The following CAMK1G variants were observed in gnomAD, a reference collection of about 807,000 sequenced individuals.
CAMK1G encodes the protein calcium/calmodulin-dependent protein kinase type 1G.
In CAMK1G, 27 loss-of-function variants were observed where a neutral mutation model predicts 54.8. That is an observed-to-expected ratio of 0.49 (90% CI 0.36 to 0.68). The LOEUF is 0.68. Ranked by LOEUF, CAMK1G falls within the 30% of genes least tolerant of loss-of-function variation. The pLI is 0.00. For synonymous variants in CAMK1G, 238 were observed against 224.9 expected (o/e 1.06, Z -0.52); for missense variants, 512 against 591.0 (o/e 0.87, Z 1.39).
rs763449563 is a variant in CAMK1G, at chr1:209,594,959, C to T, written c.-25C>T. Reference sequence around the variant, plus strand: ...CTCCCACTCCCTGCAATAAAGCATCCTCAGAAGCTTCAACTCTGGAGGCAA... The same window carrying T: ...CTCCCACTCCCTGCAATAAAGCATCTTCAGAAGCTTCAACTCTGGAGGCAA... On this transcript the variant is annotated 5_prime_UTR_variant, in exon 2 of 13. Transcript: ENST00000361322. 4.4e-6 allele frequency: 7 copies of T among 1,604,832 alleles called. No homozygotes were observed. Among genetic ancestry groups the T allele is most frequent in the East Asian group, 2.2e-5 (1 of 44,690 alleles).
In CAMK1G at chr1:209,612,870, A is replaced by C; in HGVS notation, c.1426A>C (p.Met476Leu). 1 of 1,607,622 alleles carries C rather than the reference A, an allele frequency of 6.2e-7. No homozygotes were observed. Among genetic ancestry groups the C allele is most frequent in the East Asian group, 2.2e-5 (1 of 44,842 alleles). The change falls in exon 12 of 13, where the codon ATG becomes CTG. Residue 476 changes from methionine to leucine, a missense_variant. Met to Leu is a conservative substitution (Grantham distance 15). Coordinates refer to ENST00000361322, the MANE Select transcript of CAMK1G (RefSeq NM_020439.3). ...RAGQTGVCLI[M>L] Reference sequence around the variant, plus strand: ...AGGGCAGACTGGAGTCTGTCTCATTATGTGATTCCTGGAGCCTGTGCCTAT... The same window carrying C: ...AGGGCAGACTGGAGTCTGTCTCATTCTGTGATTCCTGGAGCCTGTGCCTAT...
At chr1:209,589,834 A>C (rs78928674) in intron 1 of CAMK1G, among the ~76,000 whole-genome samples, 1,955 of 152,350 alleles carry the variant, frequency 0.013, 48 homozygotes, top group African/African-American at 0.045. Flanking sequence ...CACAGGAAGT[A>C]CTCAATAAAT....
At position 209,588,371 on chromosome 1, in the gene CAMK1G, G is replaced by A. The variant is rs113275899; in HGVS notation, c.-30+4599G>A. 7.5e-3 allele frequency among the ~76,000 whole-genome samples: 684 copies of A among 91,022 alleles called. 6 individuals are homozygous for A. Among genetic ancestry groups the A allele is most frequent in the African/African-American group, 0.027 (659 of 24,628 alleles). The allele number at this position is 91,022 out of a possible 152,430, so 59.7% of individuals were successfully genotyped here. ...GGAGCGGAATGGATTGGATTGGATT[G>A]GATTGGATTGGATTGGATTGGATTG... On this transcript the variant is annotated intron_variant, in intron 1 of 12. Coordinates refer to ENST00000361322, the MANE Select transcript of CAMK1G (RefSeq NM_020439.3).
chr1:209,608,083 AC>A, intron 7 of CAMK1G, 150 bp downstream of exon 7: 1 of 602,860 alleles, frequency 1.7e-6, no homozygotes, highest in Non-Finnish European at 3.0e-6. Context: ...ACACACACAC[AC>A]ACACACACAC....
chr1:209,609,666 T>C (rs1665735030), intron 8 of CAMK1G, among the ~76,000 whole-genome samples, 185 bp from the exon 9 acceptor site: 1 of 152,164 alleles, frequency 6.6e-6, no homozygotes, highest in African/African-American at 2.4e-5. Context: ...TTCCCTTCTT[T>C]GGTGGTTTAT....
intron 7 of CAMK1G, among the ~76,000 whole-genome samples, chr1:209,608,743 C>T (rs999346088): frequency 6.6e-6 from 1 of 152,176 alleles, no homozygotes; most frequent in African/African-American, 2.4e-5. Context: ...GGTTGGAGGG[C>T]ATAATGTACA....
chr1:209,609,046 C>T lies in CAMK1G; in HGVS notation c.702C>T (p.Gly234=), dbSNP rs1213781030. 3.7e-6 allele frequency: 6 copies of T among 1,614,126 alleles called. No individual in the cohort carries two copies. Among genetic ancestry groups the T allele is most frequent in the Non-Finnish European group, 4.2e-6 (5 of 1,180,010 alleles). The change falls in exon 8 of 13, where the codon GGC becomes GGT. Residue 234 remains glycine (G), a synonymous_variant. Transcript: ENST00000361322. ...AGCTTTTCGAGAAGATCAAGGAGGG[C>T]TACTATGAGTTTGAGTCTCCATTCT... The part of the protein sequence containing the change: ...ESKLFEKIKE[G]YYEFESPFWD...
intron 5 of CAMK1G, among the ~76,000 whole-genome samples, chr1:209,606,077 G>A (rs1665642573): frequency 6.6e-6 from 1 of 152,184 alleles, no homozygotes. Flanking sequence ...GTGAGGGAAG[G>A]AAAGGGTGAG....
chr1:209,591,922 G>A (rs756970295), intron 1 of CAMK1G, among the ~76,000 whole-genome samples: 2 of 152,166 alleles, frequency 1.3e-5, no homozygotes, highest in African/African-American at 4.8e-5. Context: ...GCCGTGACCT[G>A]CTCTACATCC....
intron 1 of CAMK1G, among the ~76,000 whole-genome samples, chr1:209,594,159 C>T (rs1451549685): frequency 6.6e-6 from 1 of 152,134 alleles, no homozygotes; most frequent in African/African-American, 2.4e-5. Flanking sequence ...CTAAAGAAGA[C>T]CCTCCCTGTT....
intron 4 of CAMK1G, 76 bp downstream of exon 4, chr1:209,603,364 T>A: frequency 8.9e-7 from 1 of 1,128,598 alleles, no homozygotes; most frequent in East Asian, 2.3e-5. Context: ...TGGTCGCTGG[T>A]GAGGGATGGA....
rs113516642 is a variant in CAMK1G, at chr1:209,600,398, G to A, written c.221+287G>A. ...TCAAAGGAACAAAAATCAATTGAGG[G>A]CCAACATCAGGAACAATTAATAATT... On this transcript the variant is annotated intron_variant, in intron 3 of 12. Coordinates refer to ENST00000361322, the MANE Select transcript of CAMK1G (RefSeq NM_020439.3). Among the ~76,000 whole-genome samples, 162 of 152,212 alleles carry A rather than the reference G, an allele frequency of 1.1e-3. 1 individual carries two copies. The highest frequency in any genetic ancestry group is 3.4e-3 in the African/African-American group (142 of 41,532).
intron 1 of CAMK1G, among the ~76,000 whole-genome samples, chr1:209,591,617 C>T (rs1043772896): frequency 1.3e-5 from 2 of 152,154 alleles, no homozygotes; most frequent in Non-Finnish European, 2.9e-5. Flanking sequence ...CTTGAGATGG[C>T]CTTTCCTCTT....
intron 3 of CAMK1G, among the ~76,000 whole-genome samples, chr1:209,600,832 A>G (rs1665509111): frequency 6.6e-6 from 1 of 152,252 alleles, no homozygotes; most frequent in Admixed American, 6.5e-5. Flanking sequence ...GATGAGTCAA[A>G]CTTTGTGGGG....
intron 8 of CAMK1G, among the ~76,000 whole-genome samples, chr1:209,609,596 A>G (rs1571786916): frequency 6.6e-6 from 1 of 152,246 alleles, no homozygotes; most frequent in East Asian, 1.9e-4. Context: ...GTGCAGGCAC[A>G]TGGGGGCCTT....
chr1:209,612,204 C>T lies in CAMK1G; in HGVS notation c.1328C>T (p.Ala443Val), dbSNP rs533703886. The change falls in exon 11 of 13, where the codon GCC becomes GTC. Residue 443 changes from alanine to valine, a missense_variant. Ala to Val is a moderately conservative substitution (Grantham distance 64, BLOSUM62 0). Transcript: ENST00000361322. ...TCTGAGCCCACACTCCTCAAAAAGG[C>T]CAACAAAAAACAGTACGTATTTTTA... is the stretch of plus-strand genomic sequence containing the variant. ...YCSEPTLLKK[A>V]NKKQNFKSEV... The T allele has an allele frequency of 3.7e-6, 6 of 1,612,952 alleles. No individual in the cohort carries two copies. The highest frequency in any genetic ancestry group is 1.3e-5 in the African/African-American group (1 of 74,962).
chr1:209,612,093 T>C lies in CAMK1G; in HGVS notation c.1217T>C (p.Met406Thr). Residue 406 changes from methionine (M) to threonine (T), a missense_variant, in exon 11 of 13, where the codon ATG becomes ACG. Coordinates refer to ENST00000361322, the MANE Select transcript of CAMK1G (RefSeq NM_020439.3). ...CACATCAGCAGCAGCCTGGTGCCCA[T>C]GCATCAGGGGTCCCTGGCCGCCGGG... ...SLHISSSLVP[M>T]HQGSLAAGPC... 5.6e-6 allele frequency: 9 copies of C among 1,614,160 alleles called. No individual in the cohort carries two copies. Among genetic ancestry groups the C allele is most frequent in the South Asian group, 2.2e-5 (2 of 91,088 alleles).
At chr1:209,592,122 G>C (rs1665268757) in intron 1 of CAMK1G, among the ~76,000 whole-genome samples, 1 of 152,026 alleles carries the variant, frequency 6.6e-6, no homozygotes, top group South Asian at 2.1e-4. Context: ...GAAGATGGGA[G>C]GGTCACTTGA....
chr1:209,602,469 T>C (rs1039038183), intron 3 of CAMK1G, among the ~76,000 whole-genome samples: 1 of 152,206 alleles, frequency 6.6e-6, no homozygotes, highest in Non-Finnish European at 1.5e-5. Context: ...GAGGCTCAGC[T>C]CACCTGAATC....
Sources: gnomAD v4.1 joint callset for allele counts (sites outside exome capture counted in the v4.1 genomes callset) on GRCh38, gnomAD v4.1.1 for gene constraint, MANE v1.5 for transcripts, NCBI Gene and HGNC (gene_info 2026-07-23, HGNC 2026-07-21) for gene names.